Variants in TNR observed in about 807,000 individuals in gnomAD.
TNR encodes the protein tenascin R, also known as tenascin-R.
TNR carries 45 observed loss-of-function variants against 150.4 expected under a neutral mutation model. The observed-to-expected ratio is 0.30, with a 90% confidence interval of 0.24 to 0.38. The LOEUF (loss-of-function observed/expected upper bound fraction) is 0.38. Ranked by LOEUF, TNR falls within the 10% of genes least tolerant of loss-of-function variation. The pLI is 1.00. For synonymous variants in TNR, 687 were observed against 678.4 expected, an observed-to-expected ratio of 1.01 and a Z score of -0.20; for missense variants, 1,544 against 1,759.1, an observed-to-expected ratio of 0.88 and a Z score of 2.19.
At chr1:175,707,475 C>G (rs1394187027) in intron 1 of TNR, among the ~76,000 whole-genome samples, 2 of 152,024 alleles carry the variant, frequency 1.3e-5, no homozygotes, top group Admixed American at 6.6e-5. Context: ...TTGTTCAGAC[C>G]GTGGTATGAA....
chr1:175,440,203 T>C (rs1655718618), intron 2 of TNR, among the ~76,000 whole-genome samples: 1 of 152,150 alleles, frequency 6.6e-6, no homozygotes, highest in South Asian at 2.1e-4. Context: ...CCATAAAAGA[T>C]GATGAGTTCA....
intron 1 of TNR, among the ~76,000 whole-genome samples, chr1:175,706,434 A>T: frequency 6.6e-6 from 1 of 152,178 alleles, no homozygotes; most frequent in African/African-American, 2.4e-5. Context: ...GAAAGTATCC[A>T]GAGAAGAGGA....
chr1:175,707,521 C>T (rs1666873663), intron 1 of TNR, among the ~76,000 whole-genome samples: 1 of 152,180 alleles, frequency 6.6e-6, no homozygotes, highest in African/African-American at 2.4e-5. Context: ...CACTGAGCTA[C>T]AAACTGTCCA....
intron 1 of TNR, among the ~76,000 whole-genome samples, chr1:175,667,259 G>T (rs1310362377): frequency 6.6e-6 from 1 of 152,214 alleles, no homozygotes; most frequent in Admixed American, 6.5e-5. Context: ...GGTCTGCTCT[G>T]TGTGGCAGTT....
intron 8 of TNR, among the ~76,000 whole-genome samples, chr1:175,384,715 T>G (rs1260345253): frequency 1.3e-5 from 2 of 152,216 alleles, no homozygotes; most frequent in Non-Finnish European, 2.9e-5. Context: ...TTCAGGCACC[T>G]ACTTGTTCCT....
At chr1:175,666,118 T>C (rs1220755629) in intron 1 of TNR, among the ~76,000 whole-genome samples, 1 of 152,200 alleles carries the variant, frequency 6.6e-6, no homozygotes, top group Non-Finnish European at 1.5e-5. Flanking sequence ...AACTCAAACG[T>C]CATATAACCC....
chr1:175,411,826 GTCT>G (rs1654229526), intron 2 of TNR, among the ~76,000 whole-genome samples: 1 of 151,924 alleles, frequency 6.6e-6, no homozygotes, highest in Admixed American at 6.6e-5. Flanking sequence ...ACTTCAACAC[GTCT>G]TCTTTGGAAA....
chr1:175,452,045 C>T (rs930140607), intron 2 of TNR, among the ~76,000 whole-genome samples: 9 of 152,294 alleles, frequency 5.9e-5, no homozygotes, highest in Admixed American at 1.3e-4. Flanking sequence ...GGGCAACCAA[C>T]GCAGCAGCCA....
At chr1:175,517,397 G>C (rs1659458824) in intron 2 of TNR, among the ~76,000 whole-genome samples, 1 of 152,136 alleles carries the variant, frequency 6.6e-6, no homozygotes, top group South Asian at 2.1e-4. Flanking sequence ...GGTGGAGGAT[G>C]ATTTTTTTCT....
intron 2 of TNR, among the ~76,000 whole-genome samples, chr1:175,455,008 A>G (rs1002965180): frequency 6.6e-6 from 1 of 152,172 alleles, no homozygotes; most frequent in African/African-American, 2.4e-5. Context: ...CTGAGGCTAC[A>G]TTGTGAAGGC....
At chr1:175,391,703 TGA>T (rs1653177062) in intron 6 of TNR, among the ~76,000 whole-genome samples, 1 of 152,212 alleles carries the variant, frequency 6.6e-6, no homozygotes, top group Non-Finnish European at 1.5e-5. Flanking sequence ...CTGAGTTTGC[TGA>T]GTTTGCCAAT....
chr1:175,712,929 G>A (rs1292998619), intron 1 of TNR, among the ~76,000 whole-genome samples: 2 of 152,176 alleles, frequency 1.3e-5, no homozygotes, highest in Non-Finnish European at 1.5e-5. Context: ...CTATTGCAGT[G>A]GGGGCATAAA....
Position 175,315,912 on chromosome 1 carries a change from C to CTGTGGGACCATGGTGTGAG in TNR, c.*7426_*7444dup, listed in dbSNP as rs1438827410. 2.6e-5 allele frequency: 4 copies of CTGTGGGACCATGGTGTGAG among 151,692 alleles called. No individual in the cohort carries two copies. The highest frequency in any genetic ancestry group is 9.7e-5 in the African/African-American group (4 of 41,236). The allele number at this position is 151,692 out of a possible 1,614,324, so 9.4% of individuals were successfully genotyped here. A position where few individuals can be genotyped will look rare whatever the true frequency, so the allele number is the denominator to read the frequency against. On this transcript the variant is annotated 3_prime_UTR_variant, in exon 23 of 23. Transcript: ENST00000367674. ...CTCACATAGATTCTAAACCTTGAGT[C>CTGTGGGACCATGGTGTGAG]TGTGGGACCATGGTGTGAGTCTGGG... is the stretch of plus-strand genomic sequence containing the variant.
Position 175,620,849 on chromosome 1 carries a change from A to G in TNR, c.-164-92480T>C, listed in dbSNP as rs140755513. ...TTGTGTGAGTAGAAAAAAAAAAGAG[A>G]GAGAGAAGCTTTTCTAAACTCCAAC... On this transcript the variant is annotated intron_variant, in intron 1 of 22. Transcript: ENST00000367674. 2.8e-3 allele frequency among the ~76,000 whole-genome samples: 429 copies of G among 151,404 alleles called. 1 individual carries two copies. Among genetic ancestry groups the G allele is most frequent in the Middle Eastern group, 6.8e-3 (2 of 292 alleles).
chr1:175,477,397 C>A (rs938343447), intron 2 of TNR, among the ~76,000 whole-genome samples: 7 of 152,140 alleles, frequency 4.6e-5, no homozygotes, highest in Non-Finnish European at 5.9e-5. Flanking sequence ...TATAACCCCA[C>A]GTGGAGAGCT....
intron 15 of TNR, among the ~76,000 whole-genome samples, chr1:175,357,567 AG>A (rs1176080902): frequency 2.0e-5 from 3 of 152,240 alleles, no homozygotes; most frequent in African/African-American, 7.2e-5. Flanking sequence ...AAACTATGGT[AG>A]TTCTTCAGAC....
At chr1:175,370,187 C>T (rs55789724) in intron 9 of TNR, among the ~76,000 whole-genome samples, 11 of 152,054 alleles carry the variant, frequency 7.2e-5, no homozygotes, top group African/African-American at 2.7e-4. Flanking sequence ...ACCTCAATTT[C>T]TGAAGAATGA....
At chr1:175,382,840 G>A (rs570784783) in intron 8 of TNR, among the ~76,000 whole-genome samples, 6 of 151,658 alleles carry the variant, frequency 4.0e-5, no homozygotes, top group African/African-American at 1.2e-4. Context: ...GGCGGAGGTT[G>A]CAGTGAGCTG....
intron 1 of TNR, among the ~76,000 whole-genome samples, chr1:175,597,892 T>C (rs1663074103): frequency 6.6e-6 from 1 of 152,244 alleles, no homozygotes. Flanking sequence ...CATTGTTCTC[T>C]GTCATCACTA....
Sources: allele counts gnomAD v4.1 joint callset (sites outside exome capture counted in the v4.1 genomes callset), GRCh38; gene constraint gnomAD v4.1.1; transcripts MANE v1.5; gene names NCBI Gene and HGNC (gene_info 2026-07-23, HGNC 2026-07-21).